Variants in ZNF561 observed in about 807,000 individuals in gnomAD.
ZNF561 encodes zinc finger protein 561.
A neutral mutation model predicts 16.7 loss-of-function variants in ZNF561; 16 were observed. The ratio of observed to expected loss-of-function variants is 0.96; its 90% CI spans 0.65 to 1.45. The LOEUF is 1.45. Among genes scored for constraint, ZNF561 ranks in the 40% most tolerant of loss-of-function variants. The pLI is 0.00. For missense variants in ZNF561, 580 were observed against 578.0 expected (o/e 1.00, Z -0.04); for synonymous variants, 190 against 192.1 (o/e 0.99, Z 0.09).
intron 2 of ZNF561, 55 bp from the exon 3 acceptor site, chr19:9,618,234 T>G: frequency 1.4e-6 from 2 of 1,462,212 alleles, no homozygotes; most frequent in East Asian, 2.5e-5. Context: ...CTTCCCACAT[T>G]CTCATGCCTA....
chr19:9,619,827 C>G (rs575888475), intron 1 of ZNF561, among the ~76,000 whole-genome samples: 8 of 152,154 alleles, frequency 5.3e-5, no homozygotes, highest in Middle Eastern at 3.4e-3. Flanking sequence ...TTCCCAGTAG[C>G]TATCATTACC....
intron 2 of ZNF561, chr19:9,619,131 CT>C (rs1411586177): frequency 2.2e-5 from 4 of 183,800 alleles, no homozygotes; most frequent in Non-Finnish European, 4.5e-5. Context: ...GCAGTATGTG[CT>C]TGTGGTCCCA....
At chr19:9,618,311 A>G (rs1328942390) in intron 2 of ZNF561, 132 bp from the exon 3 acceptor site, 4 of 903,776 alleles carry the variant, frequency 4.4e-6, no homozygotes, top group Non-Finnish European at 6.6e-6. Context: ...TACACACACA[A>G]CACTTCCATG....
Position 9,618,161 on chromosome 19 carries a change from G to A in ZNF561, c.44C>T (p.Pro15Leu), listed in dbSNP as rs569514472. 6 of 1,550,982 alleles carry A rather than the reference G, an allele frequency of 3.9e-6. No homozygotes were observed. Among genetic ancestry groups the A allele is most frequent in the South Asian group, 3.6e-5 (3 of 84,042 alleles). ...TGTCTTTTCTTCAAAAGGGCAGATTGGTTCCCTGGAAAAAAACCCTAGTGG... is the reference window on the plus strand; with the variant it reads ...TGTCTTTTCTTCAAAAGGGCAGATTAGTTCCCTGGAAAAAAACCCTAGTGG... ...YLSRGFFSRE[P>L]ICPFEEKTKV... Residue 15 changes from proline to leucine, a missense_variant, in exon 3 of 6, where the codon CCA (proline) becomes CTA (leucine). By Grantham distance (98) the Pro-to-Leu change is moderately conservative (BLOSUM62 -3). Coordinates refer to ENST00000302851, the MANE Select transcript of ZNF561 (RefSeq NM_152289.3).
At position 9,610,332 on chromosome 19, in the gene ZNF561, A is replaced by G; in HGVS notation, c.1329T>C (p.His443=). 6.2e-7 allele frequency: 1 copy of G among 1,614,200 alleles called. No homozygotes were observed. Among genetic ancestry groups the G allele is most frequent in the Non-Finnish European group, 8.5e-7 (1 of 1,180,036 alleles). ...SSRLNVHLRT[H]TGEKPFVCKE... is the part of the protein sequence containing the mutation. Reference sequence around the variant, plus strand: ...TACATACGAAGGGTTTCTCTCCGGTATGAGTTCGCAGGTGAACATTAAGGC... The same window carrying G: ...TACATACGAAGGGTTTCTCTCCGGTGTGAGTTCGCAGGTGAACATTAAGGC... The change falls in exon 6 of 6, where the codon CAT becomes CAC. Residue 443 remains histidine (H), a synonymous_variant. Coordinates refer to ENST00000302851, the MANE Select transcript of ZNF561 (RefSeq NM_152289.3).
chr19:9,614,566 T>C (rs1225195466), intron 4 of ZNF561, among the ~76,000 whole-genome samples: 2 of 151,994 alleles, frequency 1.3e-5, no homozygotes, highest in African/African-American at 2.4e-5. Context: ...GATCATGCCA[T>C]TGCACTCCAG....
intron 5 of ZNF561, among the ~76,000 whole-genome samples, chr19:9,612,730 C>A (rs947568574): frequency 6.6e-6 from 1 of 152,172 alleles, no homozygotes; most frequent in African/African-American, 2.4e-5. Flanking sequence ...ATGATGGGCC[C>A]TTTTGCCAGA....
At chr19:9,614,179 T>C (rs2074512721) in intron 4 of ZNF561, 76 bp from the exon 5 acceptor site, 1 of 1,555,180 alleles carries the variant, frequency 6.4e-7, no homozygotes, top group South Asian at 1.1e-5. Context: ...TTTTACTTGT[T>C]TTCAAATTAA....
rs1311914026 is a variant in ZNF561 at position 9,610,174 on chromosome 19, A to G, written c.*26T>C. On this transcript the variant is annotated 3_prime_UTR_variant, in exon 6 of 6. Coordinates refer to ENST00000302851, the MANE Select transcript of ZNF561 (RefSeq NM_152289.3). ...TCTGATAATCTTTGGTGTCATTGCCAATAATTAAAGATGGCAACCGATGGG... is the reference window on the plus strand; with the variant it reads ...TCTGATAATCTTTGGTGTCATTGCCGATAATTAAAGATGGCAACCGATGGG... 1 of 1,533,972 alleles carries G rather than the reference A, an allele frequency of 6.5e-7. No homozygotes were observed. The highest frequency in any genetic ancestry group is 2.1e-5 in the Admixed American group (1 of 48,760).
Position 9,618,028 on chromosome 19 carries a change from G to C in ZNF561, c.114+63C>G. ...CTCTGAAGATGAGTCTGTCTAGAAA[G>C]AAATCTGTCTACCTATTGGATGAAA... On this transcript the variant is annotated intron_variant, in intron 3 of 5. Coordinates refer to ENST00000302851, the MANE Select transcript of ZNF561 (RefSeq NM_152289.3). 3 of 1,454,172 alleles carry C rather than the reference G, an allele frequency of 2.1e-6. No individual in the cohort carries two copies. In the South Asian group the frequency reaches 3.7e-5, roughly 18 times the overall value. The allele number at this position is 1,454,172 out of a possible 1,614,324, so 90.1% of individuals were successfully genotyped here. A position where few individuals can be genotyped will look rare whatever the true frequency, so the allele number is the denominator to read the frequency against.
intron 2 of ZNF561, 122 bp from the exon 3 acceptor site, chr19:9,618,301 T>C (rs999143979): frequency 7.2e-6 from 7 of 972,416 alleles, no homozygotes; most frequent in Middle Eastern, 3.4e-4. Context: ...TCGAGAAAAC[T>C]ACACACACAA....
chr19:9,619,325 T>C, intron 2 of ZNF561, 107 bp downstream of exon 2: 2 of 1,004,752 alleles, frequency 2.0e-6, no homozygotes, highest in East Asian at 5.2e-5. Context: ...CAATTCCTCC[T>C]AAAAGAACCA....
Position 9,619,483 on chromosome 19 carries a change from T to C in ZNF561, c.-27A>G, listed in dbSNP as rs1441637652. The C allele has an allele frequency of 1.9e-6, 3 of 1,612,376 alleles. No homozygotes were observed. The highest frequency in any genetic ancestry group is 2.5e-6 in the Non-Finnish European group (3 of 1,178,946). The stretch of plus-strand genomic sequence containing the variant: ...CTCTGAAGCTGATGGTGTGATGATG[T>C]GCATCCCTTCCTTGATGCCAAGATC... On this transcript the variant is annotated 5_prime_UTR_variant, in exon 2 of 6. Coordinates refer to ENST00000302851, the MANE Select transcript of ZNF561 (RefSeq NM_152289.3).
rs775067139 is a variant in ZNF561, at chr19:9,617,012, C to T, written c.241+33G>A. The T allele has an allele frequency of 7.6e-6, 12 of 1,587,160 alleles. No individual in the cohort carries two copies. The South Asian group carries it at 1.1e-4, about 15-fold the overall frequency. ...AAGTATCTGGGACTACAGGTGCAGG[C>T]CACCATGCCAAGCATAGTGATGTTA... On this transcript the variant is annotated intron_variant, in intron 4 of 5. Transcript: ENST00000302851.
chr19:9,618,002 A>C, intron 3 of ZNF561, 89 bp downstream of exon 3: 1 of 1,260,288 alleles, frequency 7.9e-7, no homozygotes, highest in Non-Finnish European at 1.1e-6. Context: ...CTCTAAGAAA[A>C]CTCTGAAGAT....
intron 2 of ZNF561, among the ~76,000 whole-genome samples, chr19:9,618,877 G>C (rs183297929): frequency 1.5e-3 from 234 of 152,298 alleles, no homozygotes; most frequent in South Asian, 3.7e-3. Flanking sequence ...AATACTTTGG[G>C]AGGCCAAGGC....
intron 4 of ZNF561, chr19:9,616,838 T>C (rs1376972571): frequency 4.0e-6 from 2 of 504,740 alleles, no homozygotes; most frequent in Non-Finnish European, 6.6e-6. Context: ...TTGTGATCCG[T>C]CCACCTCAGC....
At chr19:9,613,381 C>T (rs1409004373) in intron 5 of ZNF561, among the ~76,000 whole-genome samples, 5 of 152,030 alleles carry the variant, frequency 3.3e-5, no homozygotes, top group Non-Finnish European at 5.9e-5. Context: ...ATTACAGGTG[C>T]CTGCCACCAC....
chr19:9,618,300 C>T (rs2074596212), intron 2 of ZNF561, 121 bp from the exon 3 acceptor site: 1 of 979,542 alleles, frequency 1.0e-6, no homozygotes, highest in African/African-American at 1.6e-5. Flanking sequence ...CTCGAGAAAA[C>T]TACACACACA....
Sources: allele counts gnomAD v4.1 joint callset (sites outside exome capture counted in the v4.1 genomes callset), GRCh38; gene constraint gnomAD v4.1.1; transcripts MANE v1.5; gene names NCBI Gene and HGNC (gene_info 2026-07-23, HGNC 2026-07-21).